The following CACNB4 variants were observed in gnomAD, a reference collection of about 807,000 sequenced individuals.
The protein encoded by CACNB4 is calcium voltage-gated channel auxiliary subunit beta 4, also known as voltage-dependent L-type calcium channel subunit beta-4.
A neutral mutation model predicts 71.2 loss-of-function variants in CACNB4; 32 were observed. The ratio of observed to expected loss-of-function variants is 0.45; its 90% CI spans 0.34 to 0.60. CACNB4 has a LOEUF of 0.60. CACNB4 is among the 20% of genes least tolerant of loss of function. The pLI, the probability that CACNB4 is intolerant of heterozygous loss-of-function variation, is 0.01. For synonymous variants in CACNB4, 231 were observed against 236.9 expected (o/e 0.97, Z 0.23); for missense variants, 464 against 647.9 (o/e 0.72, Z 3.08).
chr2:152,041,752 C>T (rs1326869092), intron 2 of CACNB4, among the ~76,000 whole-genome samples: 1 of 152,200 alleles, frequency 6.6e-6, no homozygotes, highest in African/African-American at 2.4e-5. Context: ...TCTCTTTCTT[C>T]TTCCAAAACC....
chr2:152,024,504 T>C (rs1373468887), intron 2 of CACNB4, among the ~76,000 whole-genome samples: 6 of 152,242 alleles, frequency 3.9e-5, no homozygotes, highest in African/African-American at 7.2e-5. Context: ...TAGACAACAA[T>C]GTAATTTTCT....
intron 2 of CACNB4, among the ~76,000 whole-genome samples, chr2:151,966,163 G>A (rs1214633471): frequency 6.6e-6 from 1 of 152,176 alleles, no homozygotes; most frequent in African/African-American, 2.4e-5. Context: ...TTTTATACGA[G>A]GGAAAAACTG....
intron 2 of CACNB4, among the ~76,000 whole-genome samples, chr2:151,985,829 A>G (rs17270380): frequency 0.027 from 4,184 of 152,210 alleles, 77 homozygotes; most frequent in Middle Eastern, 0.044. Context: ...CTCTTTTTGG[A>G]AAGTCTTATG....
chr2:152,058,143 T>G (rs1036547876), intron 2 of CACNB4, among the ~76,000 whole-genome samples: 2 of 152,220 alleles, frequency 1.3e-5, no homozygotes, highest in Non-Finnish European at 2.9e-5. Flanking sequence ...GACTGTAAAG[T>G]TTCCTGAGGC....
chr2:151,976,407 G>A (rs541249549), intron 2 of CACNB4, among the ~76,000 whole-genome samples: 4 of 152,330 alleles, frequency 2.6e-5, no homozygotes, highest in East Asian at 1.9e-4. Context: ...GGCAGTAGGC[G>A]TGTTCCCAAG....
Position 151,834,895 on chromosome 2 carries a change from A to G in CACNB4, c.*4224T>C, listed in dbSNP as rs1232001160. 1 of 152,032 alleles carries G rather than the reference A, an allele frequency of 6.6e-6. No homozygotes were observed. Among genetic ancestry groups the G allele is most frequent in the Non-Finnish European group, 1.5e-5 (1 of 67,854 alleles). The allele number at this position is 152,032 out of a possible 1,614,324, so 9.4% of individuals were successfully genotyped here. Reference sequence around the variant, plus strand: ...ACAGTCATTCAAGGATGAGTTTTATATAATTTAAAAAAACACAACATGCAA... The same window carrying G: ...ACAGTCATTCAAGGATGAGTTTTATGTAATTTAAAAAAACACAACATGCAA... On this transcript the variant is annotated 3_prime_UTR_variant, in exon 14 of 14. Coordinates refer to ENST00000539935, the MANE Select transcript of CACNB4 (RefSeq NM_000726.5).
At chr2:151,976,568 C>T (rs939690382) in intron 2 of CACNB4, among the ~76,000 whole-genome samples, 3 of 142,698 alleles carry the variant, frequency 2.1e-5, no homozygotes, top group Admixed American at 7.0e-5. Context: ...GGAGTCTTCC[C>T]CTAGGGTCTG....
chr2:152,058,853 G>A (rs1273949534), intron 2 of CACNB4, among the ~76,000 whole-genome samples: 1 of 152,238 alleles, frequency 6.6e-6, no homozygotes, highest in Non-Finnish European at 1.5e-5. Context: ...AGGGAAAAAT[G>A]GTTTCATGGG....
In CACNB4 at chr2:151,838,890, AT is replaced by A; in HGVS notation, c.*228del. Reference sequence around the variant, plus strand: ...TATGAAGAAAACAAAATGTACTGTTATCATGTAAATGTTGCACTTAAAAATA... The same window carrying A: ...TATGAAGAAAACAAAATGTACTGTTACATGTAAATGTTGCACTTAAAAATA... On this transcript the variant is annotated 3_prime_UTR_variant, in exon 14 of 14. Transcript: ENST00000539935. 2.4e-6 allele frequency: 1 copy of A among 416,998 alleles called. No individual in the cohort carries two copies. The highest frequency in any genetic ancestry group is 3.6e-5 in the East Asian group (1 of 27,488). 25.8% of individuals were successfully genotyped at this position (416,998 alleles called of 1,614,324 possible).
At chr2:151,886,862 C>T (rs970655761) in intron 2 of CACNB4, among the ~76,000 whole-genome samples, 1 of 151,176 alleles carries the variant, frequency 6.6e-6, no homozygotes, top group African/African-American at 2.4e-5. Flanking sequence ...TGAACATATC[C>T]CAGAAAAAAA....
chr2:151,987,204 AC>A (rs1455274678), intron 2 of CACNB4, among the ~76,000 whole-genome samples: 1 of 152,204 alleles, frequency 6.6e-6, no homozygotes, highest in East Asian at 1.9e-4. Flanking sequence ...GCACTACTAC[AC>A]CAACCACCTT....
intron 2 of CACNB4, among the ~76,000 whole-genome samples, chr2:152,061,060 C>T (rs770569610): frequency 1.5e-4 from 23 of 152,252 alleles, no homozygotes; most frequent in Middle Eastern, 6.8e-3. Context: ...ATAATCCCAA[C>T]GTTTTGGGAG....
intron 10 of CACNB4, chr2:151,857,219 A>C (rs903480491): frequency 1.5e-4 from 23 of 152,332 alleles, no homozygotes; most frequent in Admixed American, 1.5e-3. Context: ...CTATTTTCTT[A>C]TGTTTTGCAT....
chr2:151,958,810 C>A (rs1015276961), intron 2 of CACNB4, among the ~76,000 whole-genome samples: 1 of 152,154 alleles, frequency 6.6e-6, no homozygotes, highest in African/African-American at 2.4e-5. Flanking sequence ...GCTGATCAAA[C>A]CACTTTCCAG....
At chr2:151,892,061 C>T (rs772713783) in intron 2 of CACNB4, among the ~76,000 whole-genome samples, 4 of 152,084 alleles carry the variant, frequency 2.6e-5, no homozygotes, top group Non-Finnish European at 4.4e-5. Flanking sequence ...TCAGCAGAGA[C>T]GTTAAAAGGA....
chr2:152,049,727 C>T (rs1238939302), intron 2 of CACNB4, among the ~76,000 whole-genome samples: 1 of 152,238 alleles, frequency 6.6e-6, no homozygotes, highest in Non-Finnish European at 1.5e-5. Flanking sequence ...AGGCTGTGTT[C>T]TAAAGCATGA....
intron 6 of CACNB4, 139 bp from the exon 7 acceptor site, chr2:151,871,000 C>T: frequency 1.5e-6 from 1 of 647,466 alleles, no homozygotes; most frequent in East Asian, 2.7e-5. Flanking sequence ...TTTGGAGAAC[C>T]TGCCTTATGA....
At chr2:152,048,257 T>TG (rs35898986) in intron 2 of CACNB4, among the ~76,000 whole-genome samples, 35 of 152,098 alleles carry the variant, frequency 2.3e-4, no homozygotes, top group Non-Finnish European at 5.9e-5. Context: ...AAAAGTTCCC[T>TG]GGGGGGCAAA....
At chr2:152,035,938 T>C (rs1036998850) in intron 2 of CACNB4, among the ~76,000 whole-genome samples, 1 of 152,174 alleles carries the variant, frequency 6.6e-6, no homozygotes, top group Non-Finnish European at 1.5e-5. Flanking sequence ...TGTCCATCTA[T>C]GCATGAATGG....
Sources: gnomAD v4.1 joint callset for allele counts (sites outside exome capture counted in the v4.1 genomes callset) on GRCh38, gnomAD v4.1.1 for gene constraint, MANE v1.5 for transcripts, NCBI Gene and HGNC (gene_info 2026-07-23, HGNC 2026-07-21) for gene names.